The following ROBO2 variants were observed in gnomAD, a reference collection of about 807,000 sequenced individuals.
ROBO2 encodes the protein roundabout guidance receptor 2.
ROBO2 carries 53 observed loss-of-function variants against 160.8 expected under a neutral mutation model. The ratio of observed to expected loss-of-function variants is 0.33; its 90% CI spans 0.26 to 0.41. The LOEUF is 0.41. ROBO2 is among the 10% of genes least tolerant of loss of function. ROBO2 has a pLI of 1.00. For synonymous variants in ROBO2, 664 were observed against 611.7 expected, an observed-to-expected ratio of 1.09 and a Z score of -1.26; for missense variants, 1,577 against 1,722.4, an observed-to-expected ratio of 0.92 and a Z score of 1.49.
chr3:76,679,345 TAATC>T (rs1248144077), intron 2 of ROBO2, among the ~76,000 whole-genome samples: 2 of 151,778 alleles, frequency 1.3e-5, no homozygotes, highest in Non-Finnish European at 2.9e-5. Context: ...TCTTATCTAT[TAATC>T]AATGTTTATA....
At chr3:77,386,603 ATTT>A (rs71104679) in intron 2 of ROBO2, among the ~76,000 whole-genome samples, 1 of 91,896 alleles carries the variant, frequency 1.1e-5, no homozygotes, top group Non-Finnish European at 2.1e-5. Context: ...CAGCCAGGTA[ATTT>A]TTTTTTTTTT....
At chr3:77,279,664 T>A (rs1005554694) in intron 2 of ROBO2, among the ~76,000 whole-genome samples, 1 of 152,134 alleles carries the variant, frequency 6.6e-6, no homozygotes, top group Non-Finnish European at 1.5e-5. Context: ...TCTTTACTTC[T>A]CTTTGATATA....
chr3:76,330,350 C>CT lies in ROBO2; in HGVS notation c.109+392754dup, dbSNP rs554017950. 6.6e-5 allele frequency among the ~76,000 whole-genome samples: 10 copies of CT among 152,214 alleles called. 2 individuals are homozygous for CT. The South Asian group carries it at 2.1e-3, about 32-fold the overall frequency. On this transcript the variant is annotated intron_variant, in intron 2 of 26. Coordinates refer to the ROBO2 transcript ENST00000487694. ...CATTATGATATTTTTGGAAATAAGT[C>CT]TTTTTTGCACCATTAAATAGCATTT... is the stretch of plus-strand genomic sequence containing the variant.
chr3:76,385,177 T>C (rs1478783113), intron 2 of ROBO2, among the ~76,000 whole-genome samples: 7 of 152,048 alleles, frequency 4.6e-5, no homozygotes, highest in Non-Finnish European at 8.8e-5. Flanking sequence ...GTAATTTTTA[T>C]AGAGACAGGG....
intron 2 of ROBO2, among the ~76,000 whole-genome samples, chr3:77,472,607 T>C (rs1214981068): frequency 1.3e-5 from 2 of 152,192 alleles, no homozygotes; most frequent in Middle Eastern, 3.2e-3. Context: ...TTCTAGCCAA[T>C]TACATATCCC....
At chr3:76,049,302 T>G (rs889207286) in intron 2 of ROBO2, among the ~76,000 whole-genome samples, 1 of 150,442 alleles carries the variant, frequency 6.6e-6, no homozygotes, top group Non-Finnish European at 1.5e-5. Flanking sequence ...CCACGACCTC[T>G]TGGGCTCAAG....
chr3:76,650,306 C>T (rs1161036104), intron 2 of ROBO2, among the ~76,000 whole-genome samples: 3 of 152,088 alleles, frequency 2.0e-5, no homozygotes, highest in Non-Finnish European at 2.9e-5. Context: ...TAGAACATTG[C>T]ATCACTTTGG....
At chr3:76,297,208 G>A (rs1222166302) in intron 2 of ROBO2, among the ~76,000 whole-genome samples, 2 of 152,142 alleles carry the variant, frequency 1.3e-5, no homozygotes, top group Non-Finnish European at 2.9e-5. Flanking sequence ...TCCTTTTACA[G>A]ATAAGGAAAT....
chr3:76,940,303 G>A (rs560959481), intron 2 of ROBO2, among the ~76,000 whole-genome samples: 1 of 152,124 alleles, frequency 6.6e-6, no homozygotes, highest in Admixed American at 6.5e-5. Flanking sequence ...TTTTTAAGCT[G>A]CCAAATATTA....
chr3:76,600,801 T>C (rs1340044673), intron 2 of ROBO2, among the ~76,000 whole-genome samples: 1 of 152,072 alleles, frequency 6.6e-6, no homozygotes, highest in Non-Finnish European at 1.5e-5. Context: ...TCAAAACCCA[T>C]CATGCCTTCC....
intron 6 of ROBO2, among the ~76,000 whole-genome samples, chr3:77,539,744 C>T (rs941161487): frequency 1.3e-5 from 2 of 152,044 alleles, no homozygotes; most frequent in African/African-American, 4.8e-5. Context: ...GTAAAATCTT[C>T]AAACTGAACT....
chr3:76,887,181 T>A (rs1337559021), intron 2 of ROBO2, among the ~76,000 whole-genome samples: 1 of 149,798 alleles, frequency 6.7e-6, no homozygotes, highest in Admixed American at 6.8e-5. Context: ...GCCCTGCCTT[T>A]GCTTCAGGAA....
At chr3:75,997,978 G>A (rs1576426329) in intron 2 of ROBO2, among the ~76,000 whole-genome samples, 1 of 152,138 alleles carries the variant, frequency 6.6e-6, no homozygotes, top group African/African-American at 2.4e-5. Flanking sequence ...AAAGTCTTAT[G>A]ACATCTAAGA....
intron 2 of ROBO2, among the ~76,000 whole-genome samples, chr3:76,177,035 T>G (rs2073256301): frequency 6.6e-6 from 1 of 152,106 alleles, no homozygotes; most frequent in South Asian, 2.1e-4. Flanking sequence ...CCAAATCTTT[T>G]CAGAAAACAA....
intron 2 of ROBO2, among the ~76,000 whole-genome samples, chr3:76,095,122 A>T (rs1357527307): frequency 6.6e-6 from 1 of 152,162 alleles, no homozygotes; most frequent in Non-Finnish European, 1.5e-5. Flanking sequence ...ATGGGTGAGT[A>T]TGAGACTAAG....
At chr3:77,477,620 A>C (rs955739218) in intron 3 of ROBO2, 49 bp downstream of exon 3, 2 of 1,512,182 alleles carry the variant, frequency 1.3e-6, no homozygotes, top group Non-Finnish European at 1.8e-6. Flanking sequence ...TTTCAGTCTC[A>C]AAATACAAAA....
intron 2 of ROBO2, among the ~76,000 whole-genome samples, chr3:76,034,519 T>C (rs2067035702): frequency 6.6e-6 from 1 of 152,222 alleles, no homozygotes; most frequent in South Asian, 2.1e-4. Context: ...GAAAGTATGT[T>C]GTTTCATTAG....
intron 2 of ROBO2, among the ~76,000 whole-genome samples, chr3:77,127,084 A>C (rs996446081): frequency 5.3e-5 from 8 of 151,924 alleles, no homozygotes; most frequent in Admixed American, 3.9e-4. Context: ...CCACCACGCC[A>C]GGCCGAAACT....
chr3:77,452,207 G>T (rs902761956), intron 2 of ROBO2, among the ~76,000 whole-genome samples: 1 of 152,114 alleles, frequency 6.6e-6, no homozygotes, highest in African/African-American at 2.4e-5. Context: ...AATGATCCTT[G>T]AAAGTCCTTC....
Sources: allele counts gnomAD v4.1 joint callset (sites outside exome capture counted in the v4.1 genomes callset), GRCh38; gene constraint gnomAD v4.1.1; transcripts MANE v1.5; gene names NCBI Gene and HGNC (gene_info 2026-07-23, HGNC 2026-07-21).